CNBD1: variants seen among roughly 807,000 people sequenced by gnomAD.
CNBD1 encodes the protein cyclic nucleotide-binding domain-containing protein 1.
A neutral mutation model predicts 54.4 loss-of-function variants in CNBD1; 71 were observed. The observed-to-expected ratio is 1.30, with a 90% CI of 1.08 to 1.59. The LOEUF is 1.59. CNBD1 is among the 40% of genes most tolerant of loss of function. CNBD1 has a pLI of 0.00. For missense variants in CNBD1, 659 were observed against 518.0 expected (o/e 1.27, Z -2.64); for synonymous variants, 182 against 170.7 (o/e 1.07, Z -0.51).
chr8:87,043,640 T>A (rs1810120542), intron 4 of CNBD1, among the ~76,000 whole-genome samples: 1 of 152,188 alleles, frequency 6.6e-6, no homozygotes, highest in Admixed American at 6.5e-5. Flanking sequence ...ACATAGGAGC[T>A]GTAGCTAACC....
chr8:87,100,447 C>A (rs544658289), intron 4 of CNBD1, among the ~76,000 whole-genome samples: 2 of 152,190 alleles, frequency 1.3e-5, no homozygotes, highest in South Asian at 4.2e-4. Context: ...ACTTCTCAAT[C>A]TGAATGGGGA....
At chr8:87,020,760 A>G (rs1365999243) in intron 4 of CNBD1, among the ~76,000 whole-genome samples, 1 of 152,222 alleles carries the variant, frequency 6.6e-6, no homozygotes, top group Non-Finnish European at 1.5e-5. Context: ...TCCACATTCT[A>G]TAGAGAATCC....
intron 4 of CNBD1, among the ~76,000 whole-genome samples, chr8:87,162,364 G>C (rs1812875254): frequency 6.6e-6 from 1 of 151,952 alleles, no homozygotes. Context: ...TAATCACTAA[G>C]GTTTATTTTC....
At chr8:87,239,674 C>A (rs1807652761) in intron 6 of CNBD1, among the ~76,000 whole-genome samples, 1 of 152,054 alleles carries the variant, frequency 6.6e-6, no homozygotes, top group Admixed American at 6.6e-5. Flanking sequence ...AACATCTAAT[C>A]CAAGGATCAA....
chr8:87,323,772 TTCC>T (rs1809597103), intron 8 of CNBD1, among the ~76,000 whole-genome samples: 1 of 116,824 alleles, frequency 8.6e-6, no homozygotes, highest in South Asian at 2.6e-4. Flanking sequence ...ACTTCCTCTT[TTCC>T]TAATTGAATA....
intron 4 of CNBD1, among the ~76,000 whole-genome samples, chr8:86,951,581 CAAAAAAAAAAAAAA>C (rs71275901): frequency 1.4e-3 from 52 of 37,356 alleles, no homozygotes; most frequent in African/African-American, 3.5e-3. Context: ...CTCCGTCTCA[CAAAAAAAAAAAAAA>C]AAAAAAAAAA....
chr8:86,999,993 T>C (rs1454168939), intron 4 of CNBD1, among the ~76,000 whole-genome samples: 2 of 152,220 alleles, frequency 1.3e-5, no homozygotes, highest in Admixed American at 6.5e-5. Flanking sequence ...TTATTTTTTT[T>C]CCTAGGAAAA....
intron 10 of CNBD1, among the ~76,000 whole-genome samples, chr8:87,376,944 C>A (rs980864920): frequency 6.7e-6 from 1 of 150,230 alleles, no homozygotes; most frequent in Non-Finnish European, 1.5e-5. Flanking sequence ...ACTGTTAGAG[C>A]ACATCTTGGA....
intron 8 of CNBD1, among the ~76,000 whole-genome samples, chr8:87,306,939 A>G (rs1368980588): frequency 2.0e-5 from 3 of 152,168 alleles, no homozygotes; most frequent in Non-Finnish European, 4.4e-5. Context: ...GTACCCCAGG[A>G]TATGGGGGAA....
chr8:86,938,969 G>A (rs1428100258), intron 3 of CNBD1, among the ~76,000 whole-genome samples: 2 of 152,072 alleles, frequency 1.3e-5, no homozygotes, highest in African/African-American at 2.4e-5. Context: ...TCTGCAACCT[G>A]CCTTACTATT....
chr8:87,116,642 A>G (rs912491708), intron 4 of CNBD1, among the ~76,000 whole-genome samples: 2 of 152,142 alleles, frequency 1.3e-5, no homozygotes, highest in Admixed American at 6.5e-5. Flanking sequence ...CTGTCAGTCA[A>G]ATCTGTGTTC....
At chr8:87,400,212 A>G (rs1046185540) in intron 2 of CNBD1, among the ~76,000 whole-genome samples, 2 of 152,010 alleles carry the variant, frequency 1.3e-5, no homozygotes, top group African/African-American at 4.8e-5. Context: ...AACTAGATTT[A>G]TGGTTGGTGC....
chr8:86,966,194 C>T (rs999213130), intron 4 of CNBD1, among the ~76,000 whole-genome samples: 2 of 152,140 alleles, frequency 1.3e-5, no homozygotes, highest in Non-Finnish European at 2.9e-5. Flanking sequence ...GGTGGGGGTT[C>T]ACTGGGAACC....
chr8:87,207,127 A>G (rs138408907), intron 5 of CNBD1, among the ~76,000 whole-genome samples: 17 of 152,268 alleles, frequency 1.1e-4, no homozygotes, highest in African/African-American at 4.1e-4. Context: ...TTTAAAGGGG[A>G]TAAAATAATT....
At position 86,877,546 on chromosome 8, in the gene CNBD1, T is replaced by C. The variant is rs184180999; in HGVS notation, c.89-9996T>C. ...GTGGAGAAGTCTGTGACCAAAGTTT[T>C]TCACACTTGGAGAAGGCTTCCTCTT... is the stretch of plus-strand genomic sequence containing the variant. On this transcript the variant is annotated intron_variant, in intron 1 of 10. Transcript: ENST00000518476. Among the ~76,000 whole-genome samples, 485 of 152,264 alleles carry C rather than the reference T, an allele frequency of 3.2e-3. 3 individuals are homozygous for C. Among genetic ancestry groups the C allele is most frequent in the Non-Finnish European group, 5.8e-3 (395 of 67,994 alleles).
intron 6 of CNBD1, among the ~76,000 whole-genome samples, chr8:87,239,454 G>A (rs1016867590): frequency 4.6e-5 from 7 of 151,942 alleles, no homozygotes; most frequent in South Asian, 2.1e-4. Flanking sequence ...GGAGAGTTTT[G>A]TAGTTTTGCA....
chr8:86,895,253 G>GGTGTGTGTGTGT (rs59497760), intron 2 of CNBD1, among the ~76,000 whole-genome samples: 39 of 144,918 alleles, frequency 2.7e-4, no homozygotes, highest in African/African-American at 9.9e-4. Flanking sequence ...GTGTGTGCAT[G>GGTGTGTGTGTGT]GTGTGTGTGT....
intron 4 of CNBD1, among the ~76,000 whole-genome samples, chr8:87,072,191 C>A (rs943189450): frequency 1.3e-5 from 2 of 151,944 alleles, no homozygotes; most frequent in African/African-American, 4.8e-5. Flanking sequence ...TTATTTTGAA[C>A]CTATGTGTGT....
At chr8:87,220,272 A>G (rs1184544251) in intron 5 of CNBD1, among the ~76,000 whole-genome samples, 3 of 151,976 alleles carry the variant, frequency 2.0e-5, no homozygotes, top group Non-Finnish European at 4.4e-5. Context: ...GAGAGGGTCG[A>G]TTTTAAAAGT....
Sources: gnomAD v4.1 joint callset for allele counts (sites outside exome capture counted in the v4.1 genomes callset) on GRCh38, gnomAD v4.1.1 for gene constraint, MANE v1.5 for transcripts, NCBI Gene and HGNC (gene_info 2026-07-23, HGNC 2026-07-21) for gene names.